CALN1: variants seen among roughly 807,000 people sequenced by gnomAD.
CALN1 encodes calneuron 1.
A neutral mutation model predicts 30.6 loss-of-function variants in CALN1; 17 were observed. The observed-to-expected ratio is 0.56, with a 90% CI of 0.38 to 0.83. CALN1 has a LOEUF of 0.83. CALN1 is among the 40% of genes least tolerant of loss of function. The pLI is 0.00. For synonymous variants in CALN1, 156 were observed against 131.4 expected (o/e 1.19, Z -1.28); for missense variants, 291 against 354.9 (o/e 0.82, Z 1.45).
rs147663665 is a variant in CALN1 at position 71,835,426 on chromosome 7, C to T, written c.502-24934G>A. ...TCTATTATATTTAGGAACCATATCA[C>T]GAACTTAGCCTGTGTTTAAACCGTA... On this transcript the variant is annotated intron_variant, in intron 5 of 6. Coordinates refer to ENST00000395275, the MANE Select transcript of CALN1 (RefSeq NM_031468.4). Among the ~76,000 whole-genome samples the T allele has an allele frequency of 1.6e-4, 24 of 152,260 alleles. No homozygotes were observed. The East Asian group carries it at 3.9e-3, about 24-fold the overall frequency.
chr7:72,158,164 C>G (rs1407839969), intron 3 of CALN1, among the ~76,000 whole-genome samples: 1 of 152,174 alleles, frequency 6.6e-6, no homozygotes, highest in Non-Finnish European at 1.5e-5. Context: ...GGGATAAAAG[C>G]AGGAACAAAA....
intron 2 of CALN1, among the ~76,000 whole-genome samples, chr7:72,324,879 C>G (rs1801160911): frequency 6.6e-6 from 1 of 152,142 alleles, no homozygotes; most frequent in South Asian, 2.1e-4. Context: ...CCACTGCTCT[C>G]AGTCTCAAAT....
intron 2 of CALN1, among the ~76,000 whole-genome samples, chr7:72,376,168 A>G (rs1804541806): frequency 6.6e-6 from 1 of 152,176 alleles, no homozygotes; most frequent in Non-Finnish European, 1.5e-5. Context: ...GTTGTATTCA[A>G]TTTTTAACTA....
chr7:72,369,863 A>G (rs1804115900), intron 2 of CALN1, among the ~76,000 whole-genome samples: 2 of 152,214 alleles, frequency 1.3e-5, no homozygotes, highest in South Asian at 4.1e-4. Context: ...TTAATCCACT[A>G]ACCTATTGAT....
intron 2 of CALN1, among the ~76,000 whole-genome samples, chr7:72,348,728 G>A (rs181041590): frequency 6.6e-6 from 1 of 152,300 alleles, no homozygotes; most frequent in Admixed American, 6.5e-5. Flanking sequence ...GAATAAACTA[G>A]CTCTAGAATA....
At position 72,145,537 on chromosome 7, in the gene CALN1, G is replaced by C. The variant is rs557072678; in HGVS notation, c.245-39243C>G. Among the ~76,000 whole-genome samples, 1,393 of 152,216 alleles carry C rather than the reference G, an allele frequency of 9.2e-3. 27 individuals carry two copies. The highest frequency in any genetic ancestry group is 0.031 in the African/African-American group (1,282 of 41,534). On this transcript the variant is annotated intron_variant, in intron 3 of 6. Coordinates refer to ENST00000395275, the MANE Select transcript of CALN1 (RefSeq NM_031468.4). ...ACAGATTCACAGCCGAATTCTACCA[G>C]AGGTACAAGGAGGAGCTGGTACCAT...
chr7:71,883,853 G>A (rs746932641), intron 5 of CALN1, among the ~76,000 whole-genome samples: 1 of 152,090 alleles, frequency 6.6e-6, no homozygotes, highest in African/African-American at 2.4e-5. Flanking sequence ...CACATACATG[G>A]CTTCTATTTA....
At chr7:71,827,204 A>C (rs149156945) in intron 5 of CALN1, among the ~76,000 whole-genome samples, 2,626 of 152,236 alleles carry the variant, frequency 0.017, 28 homozygotes, top group Middle Eastern at 0.048. Context: ...CTTGTCTGGG[A>C]GCTAAGCCCA....
chr7:72,370,625 C>A (rs113172958), intron 2 of CALN1, among the ~76,000 whole-genome samples: 1 of 151,058 alleles, frequency 6.6e-6, no homozygotes, highest in African/African-American at 2.4e-5. Flanking sequence ...CCACTGCACT[C>A]CAGCTTGGGT....
intron 2 of CALN1, among the ~76,000 whole-genome samples, chr7:72,288,651 C>G (rs1009487358): frequency 6.6e-6 from 1 of 152,184 alleles, no homozygotes; most frequent in East Asian, 1.9e-4. Flanking sequence ...CAGACTGTTT[C>G]ATTTTTAATT....
chr7:72,448,650 G>C (rs1035169291), upstream of CALN1, among the ~76,000 whole-genome samples: 1 of 151,844 alleles, frequency 6.6e-6, no homozygotes, highest in African/African-American at 2.4e-5. Flanking sequence ...CTGTTGCCCA[G>C]GCTGGAGTGC....
chr7:72,362,452 A>ACC (rs906827909), intron 2 of CALN1, among the ~76,000 whole-genome samples: 7 of 152,030 alleles, frequency 4.6e-5, no homozygotes, highest in African/African-American at 1.7e-4. Flanking sequence ...ACTAGGCATC[A>ACC]CCCTAGGAGG....
chr7:72,407,812 C>G (rs1455901158), intron 1 of CALN1, among the ~76,000 whole-genome samples: 3 of 152,056 alleles, frequency 2.0e-5, no homozygotes, highest in African/African-American at 7.3e-5. Flanking sequence ...GACACAGGGC[C>G]GGATGGAGGT....
At chr7:72,412,943 G>C (rs1385367710), upstream of CALN1, among the ~76,000 whole-genome samples, 1 of 152,134 alleles carries the variant, frequency 6.6e-6, no homozygotes, top group Non-Finnish European at 1.5e-5. Flanking sequence ...CTTTCTCCTG[G>C]GGCAGCTGGT....
chr7:71,976,781 A>T (rs899119610), intron 5 of CALN1, among the ~76,000 whole-genome samples: 3 of 152,190 alleles, frequency 2.0e-5, no homozygotes. Flanking sequence ...GAACTGACTG[A>T]AATCGATTGG....
At chr7:71,919,728 CAGAG>C (rs1202663355) in intron 5 of CALN1, among the ~76,000 whole-genome samples, 1 of 152,130 alleles carries the variant, frequency 6.6e-6, no homozygotes, top group Non-Finnish European at 1.5e-5. Flanking sequence ...GCATTTGAAA[CAGAG>C]AGAAAATAAT....
intron 5 of CALN1, among the ~76,000 whole-genome samples, chr7:72,011,242 A>G (rs1477991646): frequency 6.6e-6 from 1 of 152,138 alleles, no homozygotes; most frequent in African/African-American, 2.4e-5. Context: ...AAACAAAAAC[A>G]AAAAACCAGA....
At chr7:72,198,455 AT>A (rs1466900358) in intron 3 of CALN1, among the ~76,000 whole-genome samples, 6 of 152,174 alleles carry the variant, frequency 3.9e-5, no homozygotes, top group Non-Finnish European at 7.4e-5. Context: ...TCCTAAAATC[AT>A]GTGCAATTTT....
At chr7:72,405,887 C>CCCA (rs1359878444) in intron 1 of CALN1, among the ~76,000 whole-genome samples, 1 of 152,172 alleles carries the variant, frequency 6.6e-6, no homozygotes, top group Non-Finnish European at 1.5e-5. Flanking sequence ...GTCAGGTCCC[C>CCCA]CCAGGCAGTG....
Sources: allele counts gnomAD v4.1 joint callset (sites outside exome capture counted in the v4.1 genomes callset), GRCh38; gene constraint gnomAD v4.1.1; transcripts MANE v1.5; gene names NCBI Gene and HGNC (gene_info 2026-07-23, HGNC 2026-07-21).